Variants in ACTR3 observed in about 807,000 individuals in gnomAD.
ACTR3 encodes actin related protein 3.
In ACTR3, 12 loss-of-function variants were observed where a neutral mutation model predicts 56.8. The observed-to-expected ratio is 0.21, with a 90% CI of 0.14 to 0.34. The LOEUF is 0.34. Among genes scored for constraint, ACTR3 ranks in the 10% least tolerant of loss-of-function variants. ACTR3 has a pLI of 1.00. For synonymous variants in ACTR3, 162 were observed against 167.4 expected (o/e 0.97, Z 0.25); for missense variants, 282 against 512.5 (o/e 0.55, Z 4.34).
intron 1 of ACTR3, among the ~76,000 whole-genome samples, chr2:113,893,339 G>C (rs1678943415): frequency 6.6e-6 from 1 of 151,990 alleles, no homozygotes; most frequent in Non-Finnish European, 1.5e-5. Context: ...CTGTCGCTGG[G>C]CTGGAGTGCA....
Position 113,962,559 on chromosome 2 carries a change from G to A in ACTR3, c.*5104G>A, listed in dbSNP as rs1287837241. The A allele has an allele frequency of 6.6e-6, 1 of 151,986 alleles. No homozygotes were observed. The highest frequency in any genetic ancestry group is 1.5e-5 in the Non-Finnish European group (1 of 67,900). 9.4% of individuals were successfully genotyped at this position (151,986 alleles called of 1,614,324 possible). A position where few individuals can be genotyped will look rare whatever the true frequency, so the allele number is the denominator to read the frequency against. On this transcript the variant is annotated 3_prime_UTR_variant, in exon 12 of 12. Coordinates refer to ENST00000263238, the MANE Select transcript of ACTR3 (RefSeq NM_005721.5). ...TATTAGAAAGTCGATATCGGAATTGGAACCACACATCTTTTTCTTATTGTG... is the reference window on the plus strand; with the variant it reads ...TATTAGAAAGTCGATATCGGAATTGAAACCACACATCTTTTTCTTATTGTG...
At chr2:113,921,605 C>G (rs912876684) in intron 3 of ACTR3, among the ~76,000 whole-genome samples, 3 of 152,024 alleles carry the variant, frequency 2.0e-5, no homozygotes, top group Non-Finnish European at 2.9e-5. Flanking sequence ...AGTTTTGGGT[C>G]TTAGATTTAA....
intron 1 of ACTR3, among the ~76,000 whole-genome samples, chr2:113,907,145 G>A (rs940735759): frequency 3.9e-5 from 6 of 152,162 alleles, no homozygotes; most frequent in African/African-American, 1.4e-4. Flanking sequence ...TATTTTTAAA[G>A]CTTATTAGGA....
intron 4 of ACTR3, among the ~76,000 whole-genome samples, chr2:113,928,050 T>A (rs1679652146): frequency 1.3e-5 from 2 of 152,138 alleles, no homozygotes; most frequent in Admixed American, 1.3e-4. Flanking sequence ...TCTTCTGTCT[T>A]TAAGAATATT....
chr2:113,923,376 C>T (rs922832068), intron 3 of ACTR3, among the ~76,000 whole-genome samples: 3 of 151,934 alleles, frequency 2.0e-5, no homozygotes, highest in Non-Finnish European at 4.4e-5. Flanking sequence ...CTGGCTCTGT[C>T]GCCCAGGCTA....
chr2:113,962,486 TTAA>T lies in ACTR3; in HGVS notation c.*5035_*5037del, dbSNP rs1295893821. 4 of 152,166 alleles carry T rather than the reference TTAA, an allele frequency of 2.6e-5. No homozygotes were observed. The highest frequency in any genetic ancestry group is 4.4e-5 in the Non-Finnish European group (3 of 67,920). The allele number at this position is 152,166 out of a possible 1,614,324, so 9.4% of individuals were successfully genotyped here. A position where few individuals can be genotyped will look rare whatever the true frequency, so the allele number is the denominator to read the frequency against. ...AATTCTAAACTTCCTCCATTTTTAA[TTAA>T]TAAGATTCAAGGTTGCAGTAAATTG... On this transcript the variant is annotated 3_prime_UTR_variant, in exon 12 of 12. Coordinates refer to ENST00000263238, the MANE Select transcript of ACTR3 (RefSeq NM_005721.5).
intron 1 of ACTR3, among the ~76,000 whole-genome samples, chr2:113,900,185 T>A (rs1459770549): frequency 6.6e-6 from 1 of 152,168 alleles, no homozygotes; most frequent in Non-Finnish European, 1.5e-5. Context: ...CCAGTCAATT[T>A]CATTTTTTTT....
chr2:113,890,859 G>A, intron 1 of ACTR3: 1 of 911,300 alleles, frequency 1.1e-6, no homozygotes, highest in Non-Finnish European at 1.3e-6. Context: ...CTGAAAATGG[G>A]AACCTACAGT....
intron 5 of ACTR3, among the ~76,000 whole-genome samples, chr2:113,933,144 ATAGTAG>A (rs1679754161): frequency 1.3e-5 from 2 of 152,312 alleles, no homozygotes; most frequent in South Asian, 4.1e-4. Flanking sequence ...TAATTAAATC[ATAGTAG>A]TATTTGGAGG....
chr2:113,898,221 C>G (rs1160958688), intron 1 of ACTR3, among the ~76,000 whole-genome samples: 1 of 151,770 alleles, frequency 6.6e-6, no homozygotes, highest in African/African-American at 2.4e-5. Flanking sequence ...TTCAGTTACT[C>G]AAGGGTACAA....
At chr2:113,936,613 T>C (rs1318543769) in intron 6 of ACTR3, among the ~76,000 whole-genome samples, 1 of 152,230 alleles carries the variant, frequency 6.6e-6, no homozygotes, top group African/African-American at 2.4e-5. Flanking sequence ...TTTACTTTTA[T>C]ATGTTGTGAA....
At position 113,958,733 on chromosome 2, in the gene ACTR3, C is replaced by G. The variant is rs919201919; in HGVS notation, c.*1278C>G. 3.3e-5 allele frequency: 5 copies of G among 151,220 alleles called. No individual in the cohort carries two copies. The highest frequency in any genetic ancestry group is 5.9e-5 in the Non-Finnish European group (4 of 67,770). The allele number at this position is 151,220 out of a possible 1,614,324, so 9.4% of individuals were successfully genotyped here. A position where few individuals can be genotyped will look rare whatever the true frequency, so the allele number is the denominator to read the frequency against. ...AATTTCTTGTGACCTTAAAATTTTACCAGTTATTTATAGAAAGAGAAAATG... is the reference window on the plus strand; with the variant it reads ...AATTTCTTGTGACCTTAAAATTTTAGCAGTTATTTATAGAAAGAGAAAATG... On this transcript the variant is annotated 3_prime_UTR_variant, in exon 12 of 12. Coordinates refer to ENST00000263238, the MANE Select transcript of ACTR3 (RefSeq NM_005721.5).
In ACTR3 at chr2:113,890,215, C is replaced by G; in HGVS notation, c.-65C>G. The stretch of plus-strand genomic sequence containing the variant: ...GTCAGATAGCCCTTGTCTCCCGCCG[C>G]CAATCTCTGGCCCCTAGCAGCACGG... On this transcript the variant is annotated 5_prime_UTR_variant, in exon 1 of 12. Coordinates refer to ENST00000263238, the MANE Select transcript of ACTR3 (RefSeq NM_005721.5). 1 of 1,549,136 alleles carries G rather than the reference C, an allele frequency of 6.5e-7. No individual in the cohort carries two copies.
chr2:113,893,278 C>A (rs1386242482), intron 1 of ACTR3, among the ~76,000 whole-genome samples: 1 of 145,452 alleles, frequency 6.9e-6, no homozygotes, highest in East Asian at 2.1e-4. Flanking sequence ...GTGTTTTTTG[C>A]TTTTTGTTTT....
chr2:113,896,411 A>G (rs1020646722), intron 1 of ACTR3, among the ~76,000 whole-genome samples: 37 of 151,850 alleles, frequency 2.4e-4, no homozygotes, highest in African/African-American at 8.7e-4. Context: ...AGATTGAAGG[A>G]GGTATAGCTA....
At chr2:113,956,050 TTTA>T (rs1430381895) in intron 11 of ACTR3, among the ~76,000 whole-genome samples, 1 of 151,864 alleles carries the variant, frequency 6.6e-6, no homozygotes, top group African/African-American at 2.4e-5. Flanking sequence ...GCTCCTGGCC[TTTA>T]TTATTATTAT....
intron 6 of ACTR3, among the ~76,000 whole-genome samples, chr2:113,938,125 G>A (rs1465396655): frequency 1.3e-5 from 2 of 151,680 alleles, no homozygotes; most frequent in Non-Finnish European, 2.9e-5. Context: ...ATCTCATCTA[G>A]TGTTTTTCTT....
intron 1 of ACTR3, among the ~76,000 whole-genome samples, chr2:113,910,546 G>C (rs1403295997): frequency 6.6e-6 from 1 of 152,132 alleles, no homozygotes; most frequent in South Asian, 2.1e-4. Flanking sequence ...CTGAAGAAGG[G>C]GGGCAGTCTT....
chr2:113,925,194 C>CT lies in ACTR3; in HGVS notation c.226-2133dup, dbSNP rs771794090. Among the ~76,000 whole-genome samples the CT allele has an allele frequency of 6.1e-3, 644 of 105,168 alleles. 4 individuals are homozygous for CT. Among genetic ancestry groups the CT allele is most frequent in the South Asian group, 0.018 (60 of 3,310 alleles). The allele number at this position is 105,168 out of a possible 152,430, so 69.0% of individuals were successfully genotyped here. On this transcript the variant is annotated intron_variant, in intron 3 of 11. Transcript: ENST00000263238. ...TTACAGGCGTGAGCCATCGTGCCACCTTTTTTTTTTTTTTTTTTGGAGACA... is the reference window on the plus strand; with the variant it reads ...TTACAGGCGTGAGCCATCGTGCCACCTTTTTTTTTTTTTTTTTTTGGAGACA...
Sources: allele counts gnomAD v4.1 joint callset (sites outside exome capture counted in the v4.1 genomes callset), GRCh38; gene constraint gnomAD v4.1.1; transcripts MANE v1.5; gene names NCBI Gene and HGNC (gene_info 2026-07-23, HGNC 2026-07-21).